PLPPR5: variants seen among roughly 807,000 people sequenced by gnomAD.
PLPPR5 encodes the protein phospholipid phosphatase-related protein type 5.
A neutral mutation model predicts 33.9 loss-of-function variants in PLPPR5; 16 were observed. The ratio of observed to expected loss-of-function variants is 0.47; its 90% CI spans 0.32 to 0.72. The LOEUF is 0.72. Ranked by LOEUF, PLPPR5 falls within the 30% of genes least tolerant of loss-of-function variation. PLPPR5 has a pLI of 0.03. For synonymous variants in PLPPR5, 163 were observed against 150.3 expected, an observed-to-expected ratio of 1.08 and a Z score of -0.62; for missense variants, 301 against 406.7, an observed-to-expected ratio of 0.74 and a Z score of 2.23.
chr1:98,990,117 C>G (rs1367484810), intron 1 of PLPPR5, among the ~76,000 whole-genome samples: 1 of 152,122 alleles, frequency 6.6e-6, no homozygotes, highest in Non-Finnish European at 1.5e-5. Flanking sequence ...GTAGCTCACA[C>G]CAGCACTTTG....
Position 98,894,815 on chromosome 1 carries a change from A to G in PLPPR5, c.934-1711T>C, listed in dbSNP as rs1648410191. Among the ~76,000 whole-genome samples the G allele has an allele frequency of 2.6e-5, 4 of 152,122 alleles. No homozygotes were observed. The South Asian group carries it at 8.3e-4, about 31-fold the overall frequency. ...ACCTGGAAGGGAGAATTAAATACAC[A>G]TTAAAGGACTTTAATAAACAGAGAA... On this transcript the variant is annotated intron_variant, in intron 5 of 5. Transcript: ENST00000263177.
chr1:98,908,648 G>T (rs898294148), intron 5 of PLPPR5, among the ~76,000 whole-genome samples: 1 of 152,114 alleles, frequency 6.6e-6, no homozygotes, highest in Non-Finnish European at 1.5e-5. Context: ...TGGGTGGATG[G>T]GGGGTTTGTG....
chr1:98,937,981 G>T (rs1458049140), intron 3 of PLPPR5, among the ~76,000 whole-genome samples: 1 of 151,998 alleles, frequency 6.6e-6, no homozygotes, highest in Non-Finnish European at 1.5e-5. Flanking sequence ...TTAATTCAAA[G>T]AATGCCCACC....
intron 3 of PLPPR5, among the ~76,000 whole-genome samples, chr1:98,945,711 T>A (rs963439221): frequency 1.3e-5 from 2 of 152,220 alleles, no homozygotes; most frequent in Non-Finnish European, 2.9e-5. Flanking sequence ...AAGTAACTAG[T>A]ACGATAGTAG....
At chr1:98,958,918 G>A (rs1284652447) in intron 1 of PLPPR5, among the ~76,000 whole-genome samples, 3 of 151,980 alleles carry the variant, frequency 2.0e-5, no homozygotes, top group African/African-American at 7.3e-5. Context: ...AGCTTCCACG[G>A]GGTCTCCATC....
At chr1:98,924,404 G>T (rs1210116411) in intron 3 of PLPPR5, among the ~76,000 whole-genome samples, 1 of 152,104 alleles carries the variant, frequency 6.6e-6, no homozygotes, top group Non-Finnish European at 1.5e-5. Context: ...TTGATTTCTT[G>T]CCTGGAGGAA....
Position 98,892,932 on chromosome 1 carries a change from G to A in PLPPR5, c.*140C>T. ...CACAGTCTAGTGGGGGAAACAGATA[G>A]GTTGACATTGATTTTAAAATTATAA... is the stretch of plus-strand genomic sequence containing the variant. On this transcript the variant is annotated 3_prime_UTR_variant, in exon 6 of 6. Coordinates refer to ENST00000263177, the MANE Select transcript of PLPPR5 (RefSeq NM_001037317.2). The A allele has an allele frequency of 2.4e-6, 2 of 829,648 alleles. No homozygotes were observed. The highest frequency in any genetic ancestry group is 3.8e-6 in the Non-Finnish European group (2 of 520,528). The allele number at this position is 829,648 out of a possible 1,614,324, so 51.4% of individuals were successfully genotyped here.
intron 3 of PLPPR5, among the ~76,000 whole-genome samples, chr1:98,922,408 C>T (rs111633796): frequency 0.018 from 2,756 of 152,134 alleles, 86 homozygotes; most frequent in African/African-American, 0.062. Context: ...CATTTTAGAT[C>T]AACCTCAACA....
chr1:98,955,658 T>A (rs1650977670), intron 2 of PLPPR5, among the ~76,000 whole-genome samples: 1 of 152,022 alleles, frequency 6.6e-6, no homozygotes, highest in African/African-American at 2.4e-5. Flanking sequence ...TTTAATGGGT[T>A]TATAGATAGA....
Position 98,914,916 on chromosome 1 carries a change from A to G in PLPPR5, c.803T>C (p.Val268Ala), listed in dbSNP as rs1384058457. ...CCCTTTGAAATTATTCACCACGCAC[A>G]CAACCTAAAATTTCAGAAGACAATT... ...VGISIAVFLV[V>A]CVVNNFKGRQ... The change falls in exon 5 of 6, where the codon GTG becomes GCG. Residue 268 changes from valine to alanine, a missense_variant. Physicochemically the swap from Val to Ala is moderately conservative, Grantham distance 64. Transcript: ENST00000263177. The G allele has an allele frequency of 1.2e-6, 2 of 1,610,076 alleles. No individual in the cohort carries two copies. Among genetic ancestry groups the G allele is most frequent in the South Asian group, 1.1e-5 (1 of 90,906 alleles).
intron 3 of PLPPR5, among the ~76,000 whole-genome samples, chr1:98,945,714 G>A (rs1274770695): frequency 1.3e-5 from 2 of 152,184 alleles, no homozygotes; most frequent in Non-Finnish European, 2.9e-5. Context: ...TAACTAGTAC[G>A]ATAGTAGGCC....
intron 5 of PLPPR5, among the ~76,000 whole-genome samples, chr1:98,899,795 G>A (rs72728594): frequency 0.15 from 23,317 of 151,508 alleles, 2,185 homozygotes; most frequent in Non-Finnish European, 0.21. Flanking sequence ...AGTAACTGGC[G>A]TTACAGGTAC....
intron 1 of PLPPR5, among the ~76,000 whole-genome samples, chr1:98,997,578 G>T (rs542962357): frequency 6.6e-6 from 1 of 152,124 alleles, no homozygotes; most frequent in Non-Finnish European, 1.5e-5. Flanking sequence ...AACAGCCTTG[G>T]GTATTGCATT....
chr1:98,957,381 G>A (rs1651054058), intron 1 of PLPPR5, among the ~76,000 whole-genome samples: 1 of 151,126 alleles, frequency 6.6e-6, no homozygotes, highest in Non-Finnish European at 1.5e-5. Flanking sequence ...AACAAAAATA[G>A]ACAACATTTT....
chr1:98,938,054 G>T (rs1474159963), intron 3 of PLPPR5, among the ~76,000 whole-genome samples: 2 of 152,038 alleles, frequency 1.3e-5, no homozygotes, highest in East Asian at 1.9e-4. Context: ...TGGAGAGTAA[G>T]CTCATAGAGG....
At chr1:98,933,800 G>A (rs1024172716) in intron 3 of PLPPR5, among the ~76,000 whole-genome samples, 1 of 152,198 alleles carries the variant, frequency 6.6e-6, no homozygotes, top group African/African-American at 2.4e-5. Context: ...TCTGATGCAT[G>A]TAGTGATGTG....
At chr1:98,978,682 A>T (rs1245215060) in intron 1 of PLPPR5, among the ~76,000 whole-genome samples, 1 of 152,080 alleles carries the variant, frequency 6.6e-6, no homozygotes, top group Admixed American at 6.6e-5. Flanking sequence ...AAGGGTAATG[A>T]TAATGCAAAA....
chr1:98,922,941 TGC>T (rs910977621), intron 3 of PLPPR5, among the ~76,000 whole-genome samples: 2 of 151,730 alleles, frequency 1.3e-5, no homozygotes, highest in African/African-American at 4.8e-5. Flanking sequence ...GCTGAGATCG[TGC>T]CACTGCACTC....
chr1:98,898,518 G>C (rs768857016), intron 5 of PLPPR5, among the ~76,000 whole-genome samples: 5 of 152,158 alleles, frequency 3.3e-5, no homozygotes, highest in African/African-American at 1.2e-4. Context: ...GTATGTGTTC[G>C]AAGGTTCTAC....
Sources: gnomAD v4.1 joint callset for allele counts (sites outside exome capture counted in the v4.1 genomes callset) on GRCh38, gnomAD v4.1.1 for gene constraint, MANE v1.5 for transcripts, NCBI Gene and HGNC (gene_info 2026-07-23, HGNC 2026-07-21) for gene names.